ASXL1: variants seen among roughly 807,000 people sequenced by gnomAD.
ASXL1 encodes the protein polycomb group protein ASXL1.
ASXL1 carries 65 observed loss-of-function variants against 89.1 expected under a neutral mutation model. That is an observed-to-expected ratio of 0.73 (90% confidence interval 0.60 to 0.90). The LOEUF (loss-of-function observed/expected upper bound fraction) is 0.90, where lower values mean the gene tolerates loss of function less well. Among genes scored for constraint, ASXL1 ranks in the 40% least tolerant of loss-of-function variants. The pLI is 0.00. For synonymous variants in ASXL1, 739 were observed against 746.9 expected (o/e 0.99, Z 0.17); for missense variants, 1,786 against 1,942.9 (o/e 0.92, Z 1.52).
intron 4 of ASXL1, among the ~76,000 whole-genome samples, chr20:32,371,614 ATATTT>A (rs2048302396): frequency 1.3e-5 from 2 of 151,912 alleles, no homozygotes; most frequent in Middle Eastern, 3.4e-3. Flanking sequence ...ATATTAATTT[ATATTT>A]TTAGAAACAG....
Position 32,428,372 on chromosome 20 carries a change from C to G in ASXL1, c.421C>G (p.Gln141Glu), listed in dbSNP as rs1451270158. Reference protein sequence around the residue: ...SSNASCSTESQSRPLSNPRDS... With the variant: ...SSNASCSTESESRPLSNPRDS... ...GAACGCATCCTGTTCTACAGAATCTCAGAGTCGACCTCTTTCCAATCCCAG... is the reference window on the plus strand; with the variant it reads ...GAACGCATCCTGTTCTACAGAATCTGAGAGTCGACCTCTTTCCAATCCCAG... The change falls in exon 6 of 13, where the codon CAG becomes GAG. Residue 141 changes from glutamine (Q) to glutamate (E), a missense_variant. Physicochemically the swap from Gln to Glu is conservative, Grantham distance 29 (BLOSUM62 2). This residue lies in a region of ASXL1 where 332 missense variants were observed against 449.7 expected (regional missense o/e 0.74). Coordinates refer to ENST00000375687, the MANE Select transcript of ASXL1 (RefSeq NM_015338.6). 1 of 1,614,138 alleles carries G rather than the reference C, an allele frequency of 6.2e-7. No individual in the cohort carries two copies. Among genetic ancestry groups the G allele is most frequent in the Admixed American group, 1.7e-5 (1 of 60,024 alleles).
intron 4 of ASXL1, among the ~76,000 whole-genome samples, chr20:32,421,442 G>A (rs1312322078): frequency 6.6e-6 from 1 of 151,990 alleles, no homozygotes; most frequent in East Asian, 1.9e-4. Flanking sequence ...CTCTCCTCAA[G>A]TGCTGTTGGG....
At chr20:32,365,558 G>A (rs2048190400) in intron 1 of ASXL1, among the ~76,000 whole-genome samples, 1 of 152,156 alleles carries the variant, frequency 6.6e-6, no homozygotes, top group South Asian at 2.1e-4. Flanking sequence ...GGAGTACCCT[G>A]AGTAGCTGCA....
At position 32,434,990 on chromosome 20, in the gene ASXL1, C is replaced by T. The variant is rs1167715259; in HGVS notation, c.2278C>T (p.Gln760Ter). The T allele has an allele frequency of 1.2e-6, 2 of 1,614,164 alleles. No individual in the cohort carries two copies. Among genetic ancestry groups the T allele is most frequent in the African/African-American group, 1.3e-5 (1 of 75,048 alleles). Residue 760 changes from glutamine to a stop codon, truncating the protein, a stop_gained, in exon 13 of 13, where the codon CAG (glutamine) becomes TAG (stop). Coordinates refer to ENST00000375687, the MANE Select transcript of ASXL1 (RefSeq NM_015338.6). LOFTEE classifies it low-confidence loss of function (END_TRUNC). ...TGCTCCCACTGGGGACCAGCCATGC[C>T]AGGCCTTGCCCCTACTGTCCTCCCA... ...PVAPTGDQPC[Q>*]ALPLLSSQTS...
At position 32,436,869 on chromosome 20, in the gene ASXL1, A is replaced by G; in HGVS notation, c.4157A>G (p.Lys1386Arg). 6.2e-7 allele frequency: 1 copy of G among 1,614,216 alleles called. No homozygotes were observed. The highest frequency in any genetic ancestry group is 8.5e-7 in the Non-Finnish European group (1 of 1,180,040). Residue 1386 changes from lysine to arginine, a missense_variant, in exon 13 of 13, where the codon AAA (lysine) becomes AGA (arginine). Coordinates refer to ENST00000375687, the MANE Select transcript of ASXL1 (RefSeq NM_015338.6). ...CTTAAGGCAAATGCCGAGAACAGGAAAGCTACTGGGCATAGTCCCCTGGAA... is the reference window on the plus strand; with the variant it reads ...CTTAAGGCAAATGCCGAGAACAGGAGAGCTACTGGGCATAGTCCCCTGGAA... ...GPLKANAENR[K>R]ATGHSPLELV...
intron 4 of ASXL1, among the ~76,000 whole-genome samples, chr20:32,383,539 C>G (rs954117247): frequency 6.6e-6 from 1 of 152,038 alleles, no homozygotes; most frequent in East Asian, 1.9e-4. Context: ...CATCTCCTGA[C>G]CTTGTGATCC....
At position 32,421,236 on chromosome 20, in the gene ASXL1, T is replaced by TA. The variant is rs755062725; in HGVS notation, c.253-6892_253-6891insA. On this transcript the variant is annotated intron_variant, in intron 4 of 12. Transcript: ENST00000375687. ...TGTATCCCAGAACTTAAAGTAAAAT[T>TA]TAAAAAAAAAAAAACTTCAAAAAAA... Among the ~76,000 whole-genome samples, 414 of 113,596 alleles carry TA rather than the reference T, an allele frequency of 3.6e-3. 2 individuals are homozygous for TA. The highest frequency in any genetic ancestry group is 8.5e-3 in the South Asian group (30 of 3,530). 74.5% of individuals were successfully genotyped at this position (113,596 alleles called of 152,430 possible).
rs567340744 is a variant in ASXL1 at position 32,419,405 on chromosome 20, C to T, written c.253-8723C>T. Reference sequence around the variant, plus strand: ...TTTTTGTAGAGCGGGGGTCTCCTTACGTTGCTCATGTTGGTCTTGAACTCT... The same window carrying T: ...TTTTTGTAGAGCGGGGGTCTCCTTATGTTGCTCATGTTGGTCTTGAACTCT... On this transcript the variant is annotated intron_variant, in intron 4 of 12. Transcript: ENST00000375687. Among the ~76,000 whole-genome samples, 9 of 152,004 alleles carry T rather than the reference C, an allele frequency of 5.9e-5. No individual in the cohort carries two copies. The East Asian group carries it at 1.7e-3, about 29-fold the overall frequency.
At chr20:32,366,131 G>T (rs772834133) in intron 1 of ASXL1, among the ~76,000 whole-genome samples, 2 of 152,148 alleles carry the variant, frequency 1.3e-5, no homozygotes, top group African/African-American at 2.4e-5. Flanking sequence ...TGTTGCTAAG[G>T]TCTCGCATAC....
At chr20:32,415,345 T>G (rs528368732) in intron 4 of ASXL1, among the ~76,000 whole-genome samples, 3 of 152,212 alleles carry the variant, frequency 2.0e-5, no homozygotes, top group Admixed American at 6.5e-5. Context: ...TTATTTAGAG[T>G]GTGGCATCTC....
At chr20:32,419,277 G>T (rs769405514) in intron 4 of ASXL1, among the ~76,000 whole-genome samples, 1 of 151,902 alleles carries the variant, frequency 6.6e-6, no homozygotes, top group African/African-American at 2.4e-5. Flanking sequence ...ATCATAGCTC[G>T]CTGCAACCTG....
In ASXL1 at chr20:32,434,590, G is replaced by C. The variant is rs2011666312; in HGVS notation, c.1878G>C (p.Gly626=). 1.2e-6 allele frequency: 2 copies of C among 1,613,170 alleles called. No individual in the cohort carries two copies. The highest frequency in any genetic ancestry group is 2.2e-5 in the East Asian group (1 of 44,860). ...DIKARALQVR[G]ARGHHCHREA... Reference sequence around the variant, plus strand: ...AAGCCCGTGCTCTGCAGGTCCGAGGGGCGAGAGGTCACCACTGCCATAGAG... The same window carrying C: ...AAGCCCGTGCTCTGCAGGTCCGAGGCGCGAGAGGTCACCACTGCCATAGAG... Residue 626 remains glycine, a synonymous_variant, in exon 13 of 13, where the codon GGG becomes GGC. Coordinates refer to ENST00000375687, the MANE Select transcript of ASXL1 (RefSeq NM_015338.6).
At chr20:32,390,977 G>A (rs1311733585) in intron 4 of ASXL1, among the ~76,000 whole-genome samples, 3 of 151,940 alleles carry the variant, frequency 2.0e-5, no homozygotes, top group African/African-American at 7.3e-5. Context: ...TTCACTGCAG[G>A]CTTAAACTCA....
At chr20:32,376,362 C>T (rs989250094) in intron 4 of ASXL1, among the ~76,000 whole-genome samples, 2 of 152,036 alleles carry the variant, frequency 1.3e-5, no homozygotes, top group Non-Finnish European at 2.9e-5. Context: ...GTAACCTCTG[C>T]CTCCCGGGTT....
intron 4 of ASXL1, among the ~76,000 whole-genome samples, chr20:32,391,004 C>T (rs759094423): frequency 3.2e-4 from 49 of 152,192 alleles, no homozygotes; most frequent in Non-Finnish European, 6.0e-4. Flanking sequence ...CCTCCCACTT[C>T]AGCCTCCTGA....
At chr20:32,428,652 CTTTTTTTTTTT>C (rs35966674) in intron 6 of ASXL1, 10 of 147,904 alleles carry the variant, frequency 6.8e-5, no homozygotes, top group Admixed American at 1.3e-4. Context: ...TTTGTTCATT[CTTTTTTTTTTT>C]TTTTTTTTTT....
At chr20:32,432,852 T>C in intron 10 of ASXL1, 28 bp from the exon 11 acceptor site, 1 of 1,612,456 alleles carries the variant, frequency 6.2e-7, no homozygotes, top group Non-Finnish European at 8.5e-7. Flanking sequence ...CCGAATGCAC[T>C]TACTAGAAGA....
intron 12 of ASXL1, 193 bp downstream of exon 12, chr20:32,434,110 C>A: frequency 1.2e-6 from 1 of 851,184 alleles, no homozygotes; most frequent in Non-Finnish European, 1.8e-6. Context: ...TTTGTTCACT[C>A]TGTTGAAGTT....
In ASXL1 at chr20:32,437,043, T is replaced by G. The variant is rs2011956432; in HGVS notation, c.4331T>G (p.Leu1444Arg). Residue 1444 changes from leucine (L) to arginine (R), a missense_variant, in exon 13 of 13, where the codon CTT (leucine) becomes CGT (arginine). Around this residue, in one of 3 missense-constraint regions of ASXL1, gnomAD observed 1,418 missense variants for 1,427.8 expected, o/e 0.99. Transcript: ENST00000375687. The part of the protein sequence containing the change: ...LSIKQAFYGK[L>R]SKLQLSSTSF... ...ATCAAGCAGGCATTTTATGGGAAGCTTTCTAAACTCCAACTGAGTTCCACC... is the reference window on the plus strand; with the variant it reads ...ATCAAGCAGGCATTTTATGGGAAGCGTTCTAAACTCCAACTGAGTTCCACC... The G allele has an allele frequency of 1.9e-6, 3 of 1,614,120 alleles. No homozygotes were observed. In the East Asian group the frequency reaches 6.7e-5, roughly 36 times the overall value.
Sources: gnomAD v4.1 joint callset for allele counts (sites outside exome capture counted in the v4.1 genomes callset) on GRCh38, gnomAD v4.1.1 for gene constraint, gnomAD v4.1.1 regional missense constraint, MANE v1.5 for transcripts, NCBI Gene and HGNC (gene_info 2026-07-23, HGNC 2026-07-21) for gene names.